NMS: variants seen among roughly 807,000 people sequenced by gnomAD.
NMS encodes the protein neuromedin-S.
NMS carries 30 observed loss-of-function variants against 32.2 expected under a neutral mutation model. That is an observed-to-expected ratio of 0.93 (90% confidence interval 0.70 to 1.26). NMS has a LOEUF of 1.26. Ranked by LOEUF, NMS falls within the 50% of genes most tolerant of loss-of-function variation. The probability of loss-of-function intolerance (pLI) is 0.00; values close to 1 mark genes in which losing one functional copy is unlikely to be tolerated. For synonymous variants in NMS, 76 were observed against 58.5 expected (o/e 1.30, Z -1.37); for missense variants, 190 against 186.3 (o/e 1.02, Z -0.12).
rs776719466 is a variant in NMS at position 100,473,534 on chromosome 2, C to T, written c.178C>T (p.Pro60Ser). 9 of 1,428,638 alleles carry T rather than the reference C, an allele frequency of 6.3e-6. No individual in the cohort carries two copies. In the African/African-American group the frequency reaches 7.2e-5, roughly 11 times the overall value. 88.5% of individuals were successfully genotyped at this position (1,428,638 alleles called of 1,614,324 possible). A position where few individuals can be genotyped will look rare whatever the true frequency, so the allele number is the denominator to read the frequency against. ...LSQWAPLSRQ[P>S]KDNQDIYKRF... The stretch of plus-strand genomic sequence containing the variant: ...TCAGTGGGCACCTCTTTCTCGCCAA[C>T]CTAAGGTAAAAAAATGTGTATATAT... The change falls in exon 3 of 10, where the codon CCT becomes TCT. Residue 60 changes from proline (P) to serine (S), a missense_variant. Physicochemically the swap from Pro to Ser is moderately conservative, Grantham distance 74. Transcript: ENST00000376865.
intron 3 of NMS, 56 bp from the exon 4 acceptor site, chr2:100,477,188 C>T: frequency 6.8e-7 from 1 of 1,466,200 alleles, no homozygotes; most frequent in South Asian, 1.1e-5. Context: ...AAAACGTTAT[C>T]CGTTACCTGC....
chr2:100,472,205 TGATTCTTTC>T (rs1197953912), intron 1 of NMS, among the ~76,000 whole-genome samples: 1 of 152,244 alleles, frequency 6.6e-6, no homozygotes, highest in African/African-American at 2.4e-5. Context: ...CCTATCCAAT[TGATTCTTTC>T]GACTGCACTA....
At position 100,476,454 on chromosome 2, in the gene NMS, A is replaced by T. The variant is rs146612352; in HGVS notation, c.184-790A>T. On this transcript the variant is annotated intron_variant, in intron 3 of 9. Transcript: ENST00000376865. Reference sequence around the variant, plus strand: ...CTTCCACTGAAGAAATTCTCCACAAAGTTTGCAGAAAGATGTAATTGTATT... The same window carrying T: ...CTTCCACTGAAGAAATTCTCCACAATGTTTGCAGAAAGATGTAATTGTATT... Among the ~76,000 whole-genome samples the T allele has an allele frequency of 1.8e-3, 275 of 152,324 alleles. 2 individuals carry two copies. The highest frequency in any genetic ancestry group is 6.4e-3 in the African/African-American group (268 of 41,576).
chr2:100,476,006 A>G (rs1677103251), intron 3 of NMS, among the ~76,000 whole-genome samples: 1 of 151,950 alleles, frequency 6.6e-6, no homozygotes. Flanking sequence ...CTCCAAAAAA[A>G]AAAAAGAAAA....
In NMS at chr2:100,477,413, G is replaced by T. The variant is rs1219247961; in HGVS notation, c.260G>T (p.Gly87Val). The change falls in exon 5 of 10, where the codon GGG (glycine) becomes GTG (valine). Residue 87 changes from glycine (G) to valine (V), a missense_variant and splice_region_variant. Transcript: ENST00000376865. ...GAGGCAACACATCCAGTTAAAACTG[G>T]GGTCAGTATTTTATTATAATCATCT... ...TQEATHPVKT[G>V]FPPVHPLMHL... 6.2e-7 allele frequency: 1 copy of T among 1,609,960 alleles called. No homozygotes were observed. Among genetic ancestry groups the T allele is most frequent in the Non-Finnish European group, 8.5e-7 (1 of 1,176,690 alleles).
In NMS at chr2:100,474,748, A is replaced by G. The variant is rs547396987; in HGVS notation, c.183+1209A>G. Reference sequence around the variant, plus strand: ...ATGCAACTAATTCTCATTCTTCAAGACTCAAACATCAGTTTCTCAAATTTC... The same window carrying G: ...ATGCAACTAATTCTCATTCTTCAAGGCTCAAACATCAGTTTCTCAAATTTC... On this transcript the variant is annotated intron_variant, in intron 3 of 9. Transcript: ENST00000376865. Among the ~76,000 whole-genome samples, 22 of 152,308 alleles carry G rather than the reference A, an allele frequency of 1.4e-4. No homozygotes were observed. The South Asian group carries it at 4.4e-3, about 30-fold the overall frequency.
chr2:100,481,790 C>T (rs1054416820), intron 8 of NMS, among the ~76,000 whole-genome samples: 3 of 152,364 alleles, frequency 2.0e-5, no homozygotes, highest in Non-Finnish European at 2.9e-5. Flanking sequence ...ACTGGCCCAT[C>T]ACAGGCTGTA....
At chr2:100,470,630 C>A in intron 1 of NMS, 66 bp downstream of exon 1, 1 of 1,273,500 alleles carries the variant, frequency 7.9e-7, no homozygotes, top group Non-Finnish European at 1.1e-6. Flanking sequence ...AGACCTTGAT[C>A]CCCCAGGGCA....
chr2:100,480,896 G>C (rs1470847089), intron 7 of NMS, among the ~76,000 whole-genome samples: 1 of 152,082 alleles, frequency 6.6e-6, no homozygotes, highest in Non-Finnish European at 1.5e-5. Flanking sequence ...GTTCTCAAAC[G>C]TGGCCATGCA....
chr2:100,476,070 T>A (rs7572974), intron 3 of NMS, among the ~76,000 whole-genome samples: 48,284 of 150,746 alleles, frequency 0.32, 8,758 homozygotes, highest in African/African-American at 0.5. Flanking sequence ...GAGCCGGGTA[T>A]TTAGCACCAG....
Position 100,481,140 on chromosome 2 carries a change from C to A in NMS, c.387C>A (p.Thr129=). ...ATATGTTGCAGGATCACACTGCGAC[C>A]TGGGGACGACCCTTTTTCCTTTTCA... The part of the protein sequence containing the change: ...VDFTKKDHTA[T]WGRPFFLFRP... Residue 129 remains threonine, a synonymous_variant, in exon 8 of 10, where the codon ACC becomes ACA. Transcript: ENST00000376865. 1 of 1,614,130 alleles carries A rather than the reference C, an allele frequency of 6.2e-7. No homozygotes were observed. The highest frequency in any genetic ancestry group is 8.5e-7 in the Non-Finnish European group (1 of 1,179,992).
At chr2:100,477,722 T>C (rs1430278965) in intron 5 of NMS, among the ~76,000 whole-genome samples, 1 of 152,206 alleles carries the variant, frequency 6.6e-6, no homozygotes, top group African/African-American at 2.4e-5. Flanking sequence ...CACTGTGCTC[T>C]CTTTACATTG....
chr2:100,475,035 C>T (rs1055044807), intron 3 of NMS, among the ~76,000 whole-genome samples: 4 of 152,188 alleles, frequency 2.6e-5, no homozygotes, highest in Non-Finnish European at 5.9e-5. Flanking sequence ...GTCCCATGCT[C>T]AACCTGCAGT....
chr2:100,479,238 T>G lies in NMS; in HGVS notation c.262-115T>G, dbSNP rs958706406. On this transcript the variant is annotated intron_variant, in intron 5 of 9. Coordinates refer to ENST00000376865, the MANE Select transcript of NMS (RefSeq NM_001011717.1). The stretch of plus-strand genomic sequence containing the variant: ...TCAAAAATGGGTTTTACTCTGAAAA[T>G]TAAACCCATTTGTAAGGGAAGTGAG... 9 of 708,268 alleles carry G rather than the reference T, an allele frequency of 1.3e-5. No individual in the cohort carries two copies. The African/African-American group carries it at 1.7e-4, about 13-fold the overall frequency. 43.9% of individuals were successfully genotyped at this position (708,268 alleles called of 1,614,324 possible).
chr2:100,480,576 C>T (rs1677199138), intron 7 of NMS, 45 bp downstream of exon 7: 4 of 1,607,776 alleles, frequency 2.5e-6, no homozygotes, highest in Non-Finnish European at 3.4e-6. Flanking sequence ...GAAAGCCCTA[C>T]CCGAGAAGGG....
In NMS at chr2:100,472,831, T is replaced by C. The variant is rs1342540475; in HGVS notation, c.113T>C (p.Leu38Ser). Residue 38 changes from leucine to serine, a missense_variant, in exon 2 of 10, where the codon TTG becomes TCG. Transcript: ENST00000376865. ...PQPLADPSDG[L>S]DIVQLEQLAY... ...CCTTTAGCTGATCCTTCAGATGGCT[T>C]GGATATTGTGCAGCTTGAGGTACCC... 1 of 1,611,068 alleles carries C rather than the reference T, an allele frequency of 6.2e-7. No individual in the cohort carries two copies.
intron 5 of NMS, among the ~76,000 whole-genome samples, chr2:100,477,809 G>A (rs1677140501): frequency 6.6e-6 from 1 of 152,132 alleles, no homozygotes; most frequent in Admixed American, 6.5e-5. Context: ...ATCCATGGAT[G>A]AACATCTTCC....
chr2:100,471,542 AGTCCTG>A (rs1677006430), intron 1 of NMS, among the ~76,000 whole-genome samples: 3 of 152,048 alleles, frequency 2.0e-5, no homozygotes, highest in Non-Finnish European at 4.4e-5. Context: ...GCTCCAGTAG[AGTCCTG>A]TTTATATTAC....
chr2:100,476,650 G>A (rs1287056391), intron 3 of NMS, among the ~76,000 whole-genome samples: 3 of 151,636 alleles, frequency 2.0e-5, no homozygotes, highest in South Asian at 2.1e-4. Flanking sequence ...TATAAAACAT[G>A]GACATGAACA....
Sources: gnomAD v4.1 joint callset for allele counts (sites outside exome capture counted in the v4.1 genomes callset) on GRCh38, gnomAD v4.1.1 for gene constraint, MANE v1.5 for transcripts, NCBI Gene and HGNC (gene_info 2026-07-23, HGNC 2026-07-21) for gene names.